Variants in GALNT13 observed in about 807,000 individuals in gnomAD.
The protein encoded by GALNT13 is UDP-GalNAc:polypeptide N-acetylgalactosaminyltransferase 13.
Under a neutral mutation model 64.2 loss-of-function variants are expected in GALNT13, and 28 were observed. The observed-to-expected ratio is 0.44, with a 90% confidence interval of 0.32 to 0.60. The LOEUF (loss-of-function observed/expected upper bound fraction) is 0.60, where lower values mean the gene tolerates loss of function less well. GALNT13 is among the 20% of genes least tolerant of loss of function. The probability of loss-of-function intolerance (pLI) is 0.05; values close to 1 mark genes in which losing one functional copy is unlikely to be tolerated. For synonymous variants in GALNT13, 214 were observed against 224.6 expected, an observed-to-expected ratio of 0.95 and a Z score of 0.42; for missense variants, 577 against 669.8, an observed-to-expected ratio of 0.86 and a Z score of 1.53.
chr2:154,441,237 C>T (rs2105478864), intron 12 of GALNT13, among the ~76,000 whole-genome samples: 1 of 152,102 alleles, frequency 6.6e-6, no homozygotes, highest in Non-Finnish European at 1.5e-5. Flanking sequence ...AATGGCAAGG[C>T]CTCCAGAGGG....
chr2:154,354,489 C>T (rs1445536298), intron 9 of GALNT13, among the ~76,000 whole-genome samples: 2 of 119,068 alleles, frequency 1.7e-5, no homozygotes, highest in Admixed American at 1.1e-4. Flanking sequence ...AAAATCTTGG[C>T]CATGGCCATG....
At chr2:154,286,688 G>T (rs1692286685) in intron 8 of GALNT13, 3 of 308,076 alleles carry the variant, frequency 9.7e-6, no homozygotes, top group South Asian at 3.3e-5. Flanking sequence ...GTGCATGCTG[G>T]ACACAGAGCT....
the GALNT13 span, among the ~76,000 whole-genome samples, chr2:153,077,144 GT>G: frequency 2.6e-5 from 4 of 151,840 alleles, no homozygotes; most frequent in African/African-American, 9.7e-5. Flanking sequence ...TAGAGAAGGG[GT>G]TTTGCCATGT....
At chr2:153,700,570 CATGATTCT>C in the GALNT13 span, among the ~76,000 whole-genome samples, 11 of 152,130 alleles carry the variant, frequency 7.2e-5, no homozygotes, top group Non-Finnish European at 1.5e-4. Context: ...TTACAGATGA[CATGATTCT>C]ATGTTTAGAA....
At chr2:153,366,431 A>T in the GALNT13 span, among the ~76,000 whole-genome samples, 1 of 152,082 alleles carries the variant, frequency 6.6e-6, no homozygotes, top group Admixed American at 6.6e-5. Context: ...AAACATTTTT[A>T]AAAAAGAAAG....
At chr2:153,489,496 A>G in the GALNT13 span, among the ~76,000 whole-genome samples, 10 of 152,338 alleles carry the variant, frequency 6.6e-5, no homozygotes, top group South Asian at 1.9e-3. Flanking sequence ...TCAGACATTT[A>G]AAGAAAAAGA....
the GALNT13 span, among the ~76,000 whole-genome samples, chr2:153,842,443 C>T: frequency 1.3e-5 from 2 of 151,894 alleles, no homozygotes; most frequent in Non-Finnish European, 1.5e-5. Context: ...ATTTAGGAAC[C>T]GAGAAGTGTC....
the GALNT13 span, among the ~76,000 whole-genome samples, chr2:153,222,327 T>TGGGGGGGGGGGGG: frequency 2.1e-5 from 2 of 95,582 alleles, no homozygotes; most frequent in Non-Finnish European, 4.2e-5. Context: ...GGGGGGGGGG[T>TGGGGGGGGGGGGG]GGGGTGGGGG....
the GALNT13 span, among the ~76,000 whole-genome samples, chr2:153,402,378 A>G: frequency 6.7e-6 from 1 of 149,364 alleles, no homozygotes; most frequent in African/African-American, 2.5e-5. Flanking sequence ...CTTCATTTCA[A>G]CTTTGGTGAA....
intron 4 of GALNT13, among the ~76,000 whole-genome samples, chr2:154,192,626 CTT>C (rs1415185410): frequency 6.6e-6 from 1 of 151,906 alleles, no homozygotes; most frequent in East Asian, 1.9e-4. Flanking sequence ...TTTTTTTTAT[CTT>C]TGTTAGCCAG....
the GALNT13 span, among the ~76,000 whole-genome samples, chr2:153,829,199 T>C: frequency 1.3e-5 from 2 of 152,104 alleles, no homozygotes; most frequent in Admixed American, 1.3e-4. Context: ...AATTCAAAAG[T>C]CACTTCCACA....
At chr2:153,873,245 GC>G (rs1216341707) in intron 1 of GALNT13, among the ~76,000 whole-genome samples, 4 of 152,166 alleles carry the variant, frequency 2.6e-5, no homozygotes, top group African/African-American at 9.7e-5. Context: ...CCTTGTCCAG[GC>G]TGTCGTGGAC....
intron 2 of GALNT13, among the ~76,000 whole-genome samples, chr2:153,902,372 A>G (rs1449945519): frequency 2.6e-5 from 4 of 152,124 alleles, no homozygotes; most frequent in African/African-American, 9.7e-5. Flanking sequence ...CTTTGGTTCA[A>G]TTAATAGTCC....
chr2:153,717,933 G>C, the GALNT13 span, among the ~76,000 whole-genome samples: 6 of 151,680 alleles, frequency 4.0e-5, no homozygotes, highest in Admixed American at 3.9e-4. Context: ...ACCTAGTAGA[G>C]AAAATAAATA....
chr2:153,202,895 A>G, the GALNT13 span, among the ~76,000 whole-genome samples: 1 of 152,216 alleles, frequency 6.6e-6, no homozygotes, highest in African/African-American at 2.4e-5. Context: ...CAAAATGATA[A>G]GGTATGATAT....
intron 8 of GALNT13, among the ~76,000 whole-genome samples, chr2:154,261,265 G>A (rs1224731905): frequency 6.6e-6 from 1 of 152,066 alleles, no homozygotes; most frequent in Non-Finnish European, 1.5e-5. Flanking sequence ...GGATTATTAG[G>A]AAATAAAATA....
the GALNT13 span, among the ~76,000 whole-genome samples, chr2:153,532,221 G>A: frequency 6.6e-6 from 1 of 152,046 alleles, no homozygotes; most frequent in African/African-American, 2.4e-5. Flanking sequence ...TTGAAACCTA[G>A]GAGGCTCCCA....
At chr2:153,976,400 A>G (rs1406851267) in intron 3 of GALNT13, among the ~76,000 whole-genome samples, 3 of 152,224 alleles carry the variant, frequency 2.0e-5, no homozygotes, top group Admixed American at 6.5e-5. Flanking sequence ...TTTTCAATCA[A>G]TTTTATCTTT....
At chr2:153,130,293 C>G in the GALNT13 span, among the ~76,000 whole-genome samples, 1 of 152,264 alleles carries the variant, frequency 6.6e-6, no homozygotes, top group Non-Finnish European at 1.5e-5. Flanking sequence ...CTCAAAACCC[C>G]TGTTTGAGTG....
Sources: allele counts gnomAD v4.1 joint callset (sites outside exome capture counted in the v4.1 genomes callset), GRCh38; gene constraint gnomAD v4.1.1; transcripts MANE v1.5; gene names NCBI Gene and HGNC (gene_info 2026-07-23, HGNC 2026-07-21).